Variants in MIA3 observed in about 807,000 individuals in gnomAD.
MIA3 encodes MIA SH3 domain ER export factor 3, also known as transport and Golgi organization protein 1 homolog.
In MIA3, 90 loss-of-function variants were observed where a neutral mutation model predicts 192.4. That is an observed-to-expected ratio of 0.47 (90% confidence interval 0.39 to 0.56). The LOEUF is 0.56. Among genes scored for constraint, MIA3 ranks in the 20% least tolerant of loss-of-function variants. The pLI is 0.00. For missense variants in MIA3, 2,123 were observed against 2,269.4 expected (o/e 0.94, Z 1.31); for synonymous variants, 740 against 792.8 (o/e 0.93, Z 1.12).
Position 222,629,729 on chromosome 1 carries a change from C to G in MIA3, c.2509C>G (p.Gln837Glu). Residue 837 changes from glutamine to glutamate, a missense_variant, in exon 4 of 28, where the codon CAG (glutamine) becomes GAG (glutamate). Coordinates refer to ENST00000344922, the MANE Select transcript of MIA3 (RefSeq NM_198551.4). ...TGACTTTTCTGACAGCATAAAAATT[C>G]AGACTCCAGAATTAGGTGAAGTGTT... ...RSDFSDSIKI[Q>E]TPELGEVFQN... is the part of the protein sequence containing the mutation. 3.1e-6 allele frequency: 5 copies of G among 1,614,172 alleles called. No individual in the cohort carries two copies. The highest frequency in any genetic ancestry group is 4.2e-6 in the Non-Finnish European group (5 of 1,180,024).
chr1:222,650,733 T>A, intron 10 of MIA3, 22 bp downstream of exon 10: 2 of 1,573,252 alleles, frequency 1.3e-6, no homozygotes, highest in Non-Finnish European at 1.7e-6. Context: ...TTTTGGGGAT[T>A]ACATTTTAAA....
At chr1:222,634,198 G>A (rs754481126) in intron 6 of MIA3, among the ~76,000 whole-genome samples, 5 of 152,032 alleles carry the variant, frequency 3.3e-5, no homozygotes, top group Admixed American at 6.6e-5. Flanking sequence ...GTGCACACCT[G>A]TAATCCCATC....
chr1:222,652,035 C>T lies in MIA3; in HGVS notation c.3968C>T (p.Ser1323Leu). The change falls in exon 12 of 28, where the codon TCA (serine) becomes TTA (leucine). Residue 1323 changes from serine to leucine, a missense_variant. By Grantham distance (145) the Ser-to-Leu change is moderately radical. Transcript: ENST00000344922. ...AAGGATGTTATTTCAATGAATGCCT[C>T]AGAATTTTCAGAGGTAAAGCTGACT... ...KLKDVISMNA[S>L]EFSEVQIALN... is the part of the protein sequence containing the mutation. The T allele has an allele frequency of 1.9e-6, 3 of 1,561,472 alleles. No individual in the cohort carries two copies. Among genetic ancestry groups the T allele is most frequent in the Non-Finnish European group, 2.6e-6 (3 of 1,132,302 alleles).
chr1:222,660,503 T>C (rs1409916492), intron 24 of MIA3, 189 bp downstream of exon 24: 7 of 464,874 alleles, frequency 1.5e-5, no homozygotes, highest in Non-Finnish European at 2.2e-5. Flanking sequence ...AAGGCATTTA[T>C]TATTTTCCTT....
At chr1:222,635,165 A>T (rs1383085906) in intron 6 of MIA3, among the ~76,000 whole-genome samples, 5 of 152,250 alleles carry the variant, frequency 3.3e-5, no homozygotes, top group Non-Finnish European at 5.9e-5. Context: ...GGTGTGTATT[A>T]TCTTTGCAGT....
At chr1:222,624,936 G>T (rs1662040902) in intron 3 of MIA3, 82 bp downstream of exon 3, 2 of 647,692 alleles carry the variant, frequency 3.1e-6, no homozygotes, top group Non-Finnish European at 5.5e-6. Flanking sequence ...AATTTCAAAA[G>T]AATTTAAATG....
intron 6 of MIA3, chr1:222,644,602 C>T: frequency 6.5e-7 from 1 of 1,550,380 alleles, no homozygotes; most frequent in Non-Finnish European, 8.7e-7. Flanking sequence ...AGTCCCGATT[C>T]CCGGGGAGGG....
intron 1 of MIA3, among the ~76,000 whole-genome samples, chr1:222,619,161 G>C (rs1182181609): frequency 3.3e-5 from 5 of 152,190 alleles, no homozygotes; most frequent in Admixed American, 3.3e-4. Flanking sequence ...TTACAGGAAT[G>C]ACAGTAAATA....
intron 8 of MIA3, 39 bp downstream of exon 8, chr1:222,648,889 T>G (rs1187533603): frequency 7.7e-7 from 1 of 1,291,396 alleles, no homozygotes; most frequent in South Asian, 1.3e-5. Context: ...TACTAGTCCC[T>G]CTGTATTGGT....
At position 222,653,106 on chromosome 1, in the gene MIA3, TACTC is replaced by T. The variant is rs1309093710; in HGVS notation, c.4188_4191del (p.His1397ArgfsTer8). 5.0e-6 allele frequency: 8 copies of T among 1,611,486 alleles called. No individual in the cohort carries two copies. The highest frequency in any genetic ancestry group is 6.8e-6 in the Non-Finnish European group (8 of 1,177,678). Reference sequence around the variant, plus strand: ...CTCAGAAAGATTTGGAAGTAGCTCTTACTCACAAGGATGATAATATTAATGTAAG... The same window carrying T: ...CTCAGAAAGATTTGGAAGTAGCTCTTACAAGGATGATAATATTAATGTAAG... On this transcript the variant is annotated frameshift_variant, in exon 14 of 28. Coordinates refer to ENST00000344922, the MANE Select transcript of MIA3 (RefSeq NM_198551.4). LOFTEE classifies it high-confidence loss of function.
In MIA3 at chr1:222,666,012, T is replaced by G. The variant is rs1477762203; in HGVS notation, c.*393T>G. ...CAGCTGAATACGGAGCAATGGTGTT[T>G]ATAAGCGTTTTTTTAAACTATCTGG... On this transcript the variant is annotated 3_prime_UTR_variant, in exon 28 of 28. Transcript: ENST00000344922. 1 of 156,742 alleles carries G rather than the reference T, an allele frequency of 6.4e-6. No homozygotes were observed. Among genetic ancestry groups the G allele is most frequent in the Admixed American group, 6.5e-5 (1 of 15,438 alleles). The allele number at this position is 156,742 out of a possible 1,614,324, so 9.7% of individuals were successfully genotyped here.
Position 222,665,360 on chromosome 1 carries a change from CACCAGGAAGACGGG to C in MIA3, c.5469_5482del (p.Gly1824AlafsTer15). The C allele has an allele frequency of 6.2e-7, 1 of 1,613,942 alleles. No homozygotes were observed. The highest frequency in any genetic ancestry group is 8.5e-7 in the Non-Finnish European group (1 of 1,179,940). On this transcript the variant is annotated frameshift_variant, in exon 28 of 28. Coordinates refer to ENST00000344922, the MANE Select transcript of MIA3 (RefSeq NM_198551.4). LOFTEE classifies it low-confidence loss of function (END_TRUNC). ...TTAAGAGAATTTGCACCAGGCGTTC[CACCAGGAAGACGGG>C]ACCTGCCTCTCCACCCTCGGGGATT...
intron 19 of MIA3, 185 bp from the exon 20 acceptor site, chr1:222,659,263 TAAAGG>T (rs972063347): frequency 3.5e-6 from 2 of 579,088 alleles, no homozygotes; most frequent in African/African-American, 3.8e-5. Flanking sequence ...CTCCAGCTGT[TAAAGG>T]AAATTATGTA....
At chr1:222,630,455 C>T (rs1269989075) in intron 4 of MIA3, 66 bp downstream of exon 4, 17 of 1,483,436 alleles carry the variant, frequency 1.1e-5, no homozygotes, top group Non-Finnish European at 7.2e-6. Flanking sequence ...TGAGGTGCCT[C>T]CTATCTTGTG....
At position 222,653,207 on chromosome 1, in the gene MIA3, GC is replaced by G. The variant is rs1558192123; in HGVS notation, c.4210-18del. 6.2e-7 allele frequency: 1 copy of G among 1,600,902 alleles called. No homozygotes were observed. ...TGAATTAAATGGAAAGACTCTTAAT[GC>G]CCTTTTACTTCTTTTCTAGGCTTTG... On this transcript the variant is annotated intron_variant, in intron 14 of 27. Transcript: ENST00000344922.
chr1:222,629,997 T>C lies in MIA3; in HGVS notation c.2777T>C (p.Ile926Thr). 2 of 1,614,154 alleles carry C rather than the reference T, an allele frequency of 1.2e-6. No homozygotes were observed. Among genetic ancestry groups the C allele is most frequent in the Non-Finnish European group, 1.7e-6 (2 of 1,180,032 alleles). The change falls in exon 4 of 28, where the codon ATA (isoleucine) becomes ACA (threonine). Residue 926 changes from isoleucine (I) to threonine (T), a missense_variant. Ile to Thr is a moderately conservative substitution (Grantham distance 89). Transcript: ENST00000344922. ...GACAAGAGGGAGGACTTACTTATCA[T>C]AAGCAGCTTCTTTAAAGAACAACAG... ...HSDKREDLLIISSFFKEQQSL... is the reference protein window; with the variant it reads ...HSDKREDLLITSSFFKEQQSL...
intron 2 of MIA3, among the ~76,000 whole-genome samples, chr1:222,621,909 C>T (rs1178524439): frequency 6.6e-6 from 1 of 151,630 alleles, no homozygotes; most frequent in Non-Finnish European, 1.5e-5. Flanking sequence ...CCCGGGTTCA[C>T]GCCATTCTCC....
Position 222,654,228 on chromosome 1 carries a change from C to G in MIA3, c.4322-15C>G. On this transcript the variant is annotated splice_polypyrimidine_tract_variant and intron_variant, in intron 15 of 27. Transcript: ENST00000344922. ...GGGAAGAAAAAGCAATGAAAGAAAGCCTTTTGTTTTTTAGGTGACCGGAAT... is the reference window on the plus strand; with the variant it reads ...GGGAAGAAAAAGCAATGAAAGAAAGGCTTTTGTTTTTTAGGTGACCGGAAT... 6.2e-7 allele frequency: 1 copy of G among 1,611,022 alleles called. No homozygotes were observed. Among genetic ancestry groups the G allele is most frequent in the South Asian group, 1.1e-5 (1 of 90,342 alleles).
At chr1:222,658,645 A>G in intron 18 of MIA3, 77 bp from the exon 19 acceptor site, 1 of 959,698 alleles carries the variant, frequency 1.0e-6, no homozygotes, top group Non-Finnish European at 1.6e-6. Context: ...ATAGGAAGTG[A>G]GATTTTATTG....
Sources: allele counts gnomAD v4.1 joint callset (sites outside exome capture counted in the v4.1 genomes callset), GRCh38; gene constraint gnomAD v4.1.1; transcripts MANE v1.5; gene names NCBI Gene and HGNC (gene_info 2026-07-23, HGNC 2026-07-21).